CSMD1: variants seen among roughly 807,000 people sequenced by gnomAD.
CSMD1 encodes CUB and Sushi multiple domains 1, also known as CUB and sushi domain-containing protein 1.
In CSMD1, 213 loss-of-function variants were observed where a neutral mutation model predicts 417.5. The ratio of observed to expected loss-of-function variants is 0.51; its 90% CI spans 0.46 to 0.57. CSMD1 has a LOEUF of 0.57. Ranked by LOEUF, CSMD1 falls within the 20% of genes least tolerant of loss-of-function variation. CSMD1 has a pLI of 0.00. For missense variants in CSMD1, 6,923 were observed against 4,529.7 expected (o/e 1.53, Z -15.17); for synonymous variants, 2,862 against 1,736.8 (o/e 1.65, Z -16.11).
intron 1 of CSMD1, among the ~76,000 whole-genome samples, chr8:4,694,789 G>A (rs148119834): frequency 6.6e-6 from 1 of 152,056 alleles, no homozygotes; most frequent in Admixed American, 6.5e-5. Flanking sequence ...GGGACTGCGC[G>A]TCCTTAACCT....
Position 4,031,890 on chromosome 8 carries a change from C to T in CSMD1, c.610+15G>A. On this transcript the variant is annotated intron_variant, in intron 4 of 69. Transcript: ENST00000635120. ...GCCCTGGAGTCTGCTCACCAGCCCC[C>T]TTGTAGCACTGTACCTCTGCAAAAG... 1 of 1,602,194 alleles carries T rather than the reference C, an allele frequency of 6.2e-7. No individual in the cohort carries two copies. The highest frequency in any genetic ancestry group is 8.5e-7 in the Non-Finnish European group (1 of 1,172,440).
intron 23 of CSMD1, 70 bp from the exon 24 acceptor site, chr8:3,308,573 C>CA (rs1805075360): frequency 7.8e-7 from 1 of 1,280,990 alleles, no homozygotes; most frequent in Admixed American, 2.1e-5. Flanking sequence ...AGAGATGAAA[C>CA]AAACAAGGTT....
chr8:4,770,076 A>G (rs1422812519), intron 1 of CSMD1, among the ~76,000 whole-genome samples: 2 of 151,934 alleles, frequency 1.3e-5, no homozygotes, highest in African/African-American at 2.4e-5. Flanking sequence ...ACACAAATGC[A>G]TGAAAAGATA....
rs566475221 is a variant in CSMD1, at chr8:4,486,063, T to C, written c.303-65998A>G. On this transcript the variant is annotated intron_variant, in intron 2 of 69. Coordinates refer to ENST00000635120, the MANE Select transcript of CSMD1 (RefSeq NM_033225.6). The stretch of plus-strand genomic sequence containing the variant: ...TTCATAAAGTAATAATATCTAAGTA[T>C]TAAAATTAAATTTCTCTTTCTCTTT... Among the ~76,000 whole-genome samples the C allele has an allele frequency of 3.0e-3, 449 of 150,338 alleles. 2 individuals carry two copies. Among genetic ancestry groups the C allele is most frequent in the African/African-American group, 0.011 (431 of 40,964 alleles).
At chr8:4,801,313 G>A (rs1006500551) in intron 1 of CSMD1, among the ~76,000 whole-genome samples, 2 of 152,210 alleles carry the variant, frequency 1.3e-5, no homozygotes, top group African/African-American at 2.4e-5. Context: ...CAGACAAGGA[G>A]GGTGGAAGTG....
chr8:4,016,241 T>G (rs17068551), intron 4 of CSMD1, among the ~76,000 whole-genome samples: 3 of 152,100 alleles, frequency 2.0e-5, no homozygotes, highest in African/African-American at 7.2e-5. Context: ...TCCATTCCCT[T>G]TGCTTTCCTG....
chr8:4,068,048 T>C (rs998443770), intron 3 of CSMD1, among the ~76,000 whole-genome samples: 1 of 151,800 alleles, frequency 6.6e-6, no homozygotes, highest in East Asian at 1.9e-4. Flanking sequence ...GCCACTGCAC[T>C]CCAGCCTGGC....
chr8:3,069,859 G>A (rs528346963), intron 49 of CSMD1, among the ~76,000 whole-genome samples: 1 of 152,224 alleles, frequency 6.6e-6, no homozygotes, highest in East Asian at 1.9e-4. Context: ...CCTGCAACAG[G>A]CTTCTGCCTG....
chr8:4,754,339 C>T (rs528926639), intron 1 of CSMD1, among the ~76,000 whole-genome samples: 1 of 152,136 alleles, frequency 6.6e-6, no homozygotes, highest in Non-Finnish European at 1.5e-5. Flanking sequence ...AACTTGAAAC[C>T]TTGTGTTCTG....
At chr8:4,881,223 C>T (rs934921012) in intron 1 of CSMD1, among the ~76,000 whole-genome samples, 42 of 152,116 alleles carry the variant, frequency 2.8e-4, no homozygotes, top group African/African-American at 9.4e-4. Context: ...TAGGTCCATT[C>T]TAGTACTTCT....
intron 1 of CSMD1, among the ~76,000 whole-genome samples, chr8:4,879,436 T>C (rs1022520743): frequency 3.9e-5 from 6 of 151,956 alleles, no homozygotes; most frequent in Non-Finnish European, 8.8e-5. Flanking sequence ...TAGGAGGAAG[T>C]TTAGGGGATC....
intron 5 of CSMD1, among the ~76,000 whole-genome samples, chr8:3,962,799 T>C (rs1225554637): frequency 1.3e-5 from 2 of 152,182 alleles, no homozygotes; most frequent in African/African-American, 2.4e-5. Flanking sequence ...TTTAAAAACA[T>C]TGAGGGCAAT....
rs1167770194 is a variant in CSMD1 at position 4,566,671 on chromosome 8, AAAAAAAAG to A, written c.302+70663_302+70670del. Among the ~76,000 whole-genome samples the A allele has an allele frequency of 7.3e-5, 11 of 151,338 alleles. 1 individual carries two copies. Among genetic ancestry groups the A allele is most frequent in the African/African-American group, 2.4e-4 (10 of 41,274 alleles). ...CTGACTCAAAAAAAAAAAAAAAAAA[AAAAAAAAG>A]AAAGCTAGTTTTGGTATAATTTTGG... On this transcript the variant is annotated intron_variant, in intron 2 of 69. Coordinates refer to ENST00000635120, the MANE Select transcript of CSMD1 (RefSeq NM_033225.6).
Position 3,618,701 on chromosome 8 carries a change from G to T in CSMD1, c.1010-1904C>A, listed in dbSNP as rs73660390. Reference sequence around the variant, plus strand: ...AAGATTAAAATAATTTTACAGGAGCGCTAAATGACAGTAAAAAAATCTGTA... The same window carrying T: ...AAGATTAAAATAATTTTACAGGAGCTCTAAATGACAGTAAAAAAATCTGTA... On this transcript the variant is annotated intron_variant, in intron 7 of 69. Coordinates refer to ENST00000635120, the MANE Select transcript of CSMD1 (RefSeq NM_033225.6). 6.7e-3 allele frequency among the ~76,000 whole-genome samples: 1,018 copies of T among 152,128 alleles called. 14 individuals carry two copies. Among genetic ancestry groups the T allele is most frequent in the African/African-American group, 0.023 (953 of 41,492 alleles).
rs138735227 is a variant in CSMD1, at chr8:3,450,169, C to T, written c.1561+18543G>A. Reference sequence around the variant, plus strand: ...ACGAACGTTGACTGTGGGTCTCTTACACTCAGGCGGCCTCCAGCCTCTGAT... The same window carrying T: ...ACGAACGTTGACTGTGGGTCTCTTATACTCAGGCGGCCTCCAGCCTCTGAT... On this transcript the variant is annotated intron_variant, in intron 12 of 69. Transcript: ENST00000635120. Among the ~76,000 whole-genome samples the T allele has an allele frequency of 3.5e-4, 54 of 152,300 alleles. No homozygotes were observed. The East Asian group carries it at 0.01, about 28-fold the overall frequency.
intron 1 of CSMD1, among the ~76,000 whole-genome samples, chr8:4,799,528 G>A (rs1327582861): frequency 1.4e-5 from 2 of 145,200 alleles, no homozygotes; most frequent in East Asian, 4.2e-4. Flanking sequence ...GAACCCAGGA[G>A]GCGGAGGTTG....
chr8:4,045,119 G>GTCACCACCTGTGCCC lies in CSMD1; in HGVS notation c.416-13035_416-13021dup, dbSNP rs1307879601. The stretch of plus-strand genomic sequence containing the variant: ...GCACAGGGAGACACTGAACATGGCA[G>GTCACCACCTGTGCCC]TCACCACCTGTGCCCTCCCACCTGC... On this transcript the variant is annotated intron_variant, in intron 3 of 69. Transcript: ENST00000635120. Among the ~76,000 whole-genome samples the GTCACCACCTGTGCCC allele has an allele frequency of 9.9e-5, 15 of 152,270 alleles. 1 individual carries two copies. The highest frequency in any genetic ancestry group is 3.6e-4 in the African/African-American group (15 of 41,566).
chr8:3,774,243 T>C (rs971416852), intron 5 of CSMD1, among the ~76,000 whole-genome samples: 3 of 152,186 alleles, frequency 2.0e-5, no homozygotes, highest in African/African-American at 2.4e-5. Flanking sequence ...AAATGCCACT[T>C]GCTCTGTAAA....
chr8:4,927,076 T>G (rs979964725), intron 1 of CSMD1, among the ~76,000 whole-genome samples: 6 of 142,146 alleles, frequency 4.2e-5, no homozygotes, highest in Non-Finnish European at 6.1e-5. Context: ...CTGTGTTATT[T>G]GCTTTCAATG....
Sources: allele counts gnomAD v4.1 joint callset (sites outside exome capture counted in the v4.1 genomes callset), GRCh38; gene constraint gnomAD v4.1.1; transcripts MANE v1.5; gene names NCBI Gene and HGNC (gene_info 2026-07-23, HGNC 2026-07-21).